Variants in ADGRV1 observed in about 807,000 individuals in gnomAD.
ADGRV1 encodes G-protein coupled receptor 98.
Under a neutral mutation model 596.2 loss-of-function variants are expected in ADGRV1, and 359 were observed. The ratio of observed to expected loss-of-function variants is 0.60; its 90% CI spans 0.55 to 0.66. The LOEUF is 0.66. Among genes scored for constraint, ADGRV1 ranks in the 30% least tolerant of loss-of-function variants. The probability of loss-of-function intolerance (pLI) is 0.00; values close to 1 mark genes in which losing one functional copy is unlikely to be tolerated. For missense variants in ADGRV1, 7,274 were observed against 7,575.6 expected (o/e 0.96, Z 1.48); for synonymous variants, 2,681 against 2,679.2 (o/e 1.00, Z -0.02).
At chr5:90,924,926 A>G (rs1380312844) in intron 83 of ADGRV1, among the ~76,000 whole-genome samples, 1 of 151,714 alleles carries the variant, frequency 6.6e-6, no homozygotes, top group East Asian at 1.9e-4. Context: ...CAGGTTTGTC[A>G]AGGATAGATA....
chr5:90,921,443 A>G (rs1211140226), intron 83 of ADGRV1, among the ~76,000 whole-genome samples: 1 of 151,818 alleles, frequency 6.6e-6, no homozygotes, highest in Non-Finnish European at 1.5e-5. Context: ...AACCTTTCAT[A>G]TTTTTCTCAG....
chr5:90,825,507 G>T, intron 76 of ADGRV1, among the ~76,000 whole-genome samples: 1 of 152,236 alleles, frequency 6.6e-6, no homozygotes, highest in African/African-American at 2.4e-5. Flanking sequence ...ATTATATTGT[G>T]CATTTTATCT....
intron 77 of ADGRV1, among the ~76,000 whole-genome samples, chr5:90,831,689 A>G (rs183720319): frequency 6.6e-6 from 1 of 152,134 alleles, no homozygotes; most frequent in East Asian, 1.9e-4. Context: ...GTACTCATTA[A>G]CCATTCTAAC....
chr5:90,632,174 C>A (rs1765590697), intron 9 of ADGRV1, among the ~76,000 whole-genome samples: 1 of 152,044 alleles, frequency 6.6e-6, no homozygotes, highest in Non-Finnish European at 1.5e-5. Context: ...GTTCTCCCTT[C>A]TGTTTGTCTC....
chr5:90,756,700 G>A (rs2149982498), intron 56 of ADGRV1, 70 bp downstream of exon 56: 2 of 1,254,932 alleles, frequency 1.6e-6, no homozygotes, highest in Non-Finnish European at 2.2e-6. Context: ...AGTGTTTTAT[G>A]TTTAGCTTTG....
chr5:90,812,650 T>C (rs2150237292), intron 74 of ADGRV1, among the ~76,000 whole-genome samples: 1 of 152,306 alleles, frequency 6.6e-6, no homozygotes, highest in Admixed American at 6.5e-5. Flanking sequence ...AATTTTGCAA[T>C]CTTTTAACTT....
chr5:90,681,475 C>A, intron 27 of ADGRV1, 21 bp downstream of exon 27: 1 of 1,593,566 alleles, frequency 6.3e-7, no homozygotes, highest in South Asian at 1.1e-5. Context: ...TTTCTTCCTT[C>A]ATTCCTAGAC....
intron 59 of ADGRV1, among the ~76,000 whole-genome samples, chr5:90,772,690 G>A (rs1757817882): frequency 6.6e-6 from 1 of 152,138 alleles, no homozygotes; most frequent in African/African-American, 2.4e-5. Context: ...TGCAAATAAG[G>A]AATCCAAGAA....
intron 33 of ADGRV1, 52 bp downstream of exon 33, chr5:90,694,753 T>C: frequency 1.4e-6 from 2 of 1,396,042 alleles, no homozygotes; most frequent in Non-Finnish European, 1.9e-6. Context: ...GTCATCATAG[T>C]CCATTTTTAT....
Position 90,708,654 on chromosome 5 carries a change from A to G in ADGRV1, c.8731-162A>G, listed in dbSNP as rs563752160. Among the ~76,000 whole-genome samples, 265 of 152,190 alleles carry G rather than the reference A, an allele frequency of 1.7e-3. 1 individual carries two copies. Among genetic ancestry groups the G allele is most frequent in the African/African-American group, 6.1e-3 (254 of 41,558 alleles). On this transcript the variant is annotated intron_variant, in intron 38 of 89. Coordinates refer to ENST00000405460, the MANE Select transcript of ADGRV1 (RefSeq NM_032119.4). ...TCCTATACAACCAAGTATAAGTTTA[A>G]TACGTTTATGTTTATTTTTTCTAAT... is the stretch of plus-strand genomic sequence containing the variant.
chr5:90,749,936 C>T (rs374455149), intron 52 of ADGRV1, among the ~76,000 whole-genome samples: 1 of 152,088 alleles, frequency 6.6e-6, no homozygotes, highest in Non-Finnish European at 1.5e-5. Context: ...AGGCCATGAG[C>T]TAAGGATGAA....
At chr5:91,089,024 T>C (rs1790151450) in intron 86 of ADGRV1, among the ~76,000 whole-genome samples, 1 of 152,124 alleles carries the variant, frequency 6.6e-6, no homozygotes, top group African/African-American at 2.4e-5. Flanking sequence ...TAGTCCAATG[T>C]TGCTAGTAAG....
chr5:91,016,375 C>T lies in ADGRV1; in HGVS notation c.18152+30853C>T, dbSNP rs188179971. Among the ~76,000 whole-genome samples, 13 of 152,056 alleles carry T rather than the reference C, an allele frequency of 8.5e-5. No homozygotes were observed. In the East Asian group the frequency reaches 2.5e-3, roughly 30 times the overall value. On this transcript the variant is annotated intron_variant, in intron 85 of 89. Coordinates refer to ENST00000405460, the MANE Select transcript of ADGRV1 (RefSeq NM_032119.4). ...CATCCTAGTTCTCAGTCCCTGCAAGCTTCACACACATGTGAACAAATGCAG... is the reference window on the plus strand; with the variant it reads ...CATCCTAGTTCTCAGTCCCTGCAAGTTTCACACACATGTGAACAAATGCAG...
intron 54 of ADGRV1, among the ~76,000 whole-genome samples, chr5:90,754,727 G>A (rs1755644432): frequency 6.6e-6 from 1 of 152,072 alleles, no homozygotes. Context: ...AACATAGGAG[G>A]GTGCTTTAGA....
intron 85 of ADGRV1, among the ~76,000 whole-genome samples, chr5:91,003,609 A>T (rs1020581260): frequency 6.6e-6 from 1 of 152,206 alleles, no homozygotes; most frequent in Non-Finnish European, 1.5e-5. Flanking sequence ...AGGGAGGGAA[A>T]TCCTGAACGT....
intron 83 of ADGRV1, among the ~76,000 whole-genome samples, chr5:90,928,923 T>C (rs937917408): frequency 9.0e-5 from 13 of 144,506 alleles, no homozygotes; most frequent in East Asian, 8.0e-4. Context: ...TGCTGGGGGG[T>C]GCCTCCCAGT....
intron 50 of ADGRV1, among the ~76,000 whole-genome samples, chr5:90,743,691 T>G (rs1754259637): frequency 6.6e-6 from 1 of 152,030 alleles, no homozygotes; most frequent in South Asian, 2.1e-4. Context: ...CAGGATGGTC[T>G]CGATCTCCCG....
intron 36 of ADGRV1, 94 bp downstream of exon 36, chr5:90,704,582 C>T: frequency 1.4e-6 from 1 of 701,206 alleles, no homozygotes; most frequent in South Asian, 2.0e-5. Flanking sequence ...AGATGCATAC[C>T]AATTTTTAAA....
chr5:90,572,746 G>A (rs773302589), intron 1 of ADGRV1, among the ~76,000 whole-genome samples: 10 of 152,112 alleles, frequency 6.6e-5, no homozygotes, highest in Admixed American at 1.3e-4. Flanking sequence ...AGTTGAGACC[G>A]TAGGATACGT....
Sources: allele counts gnomAD v4.1 joint callset (sites outside exome capture counted in the v4.1 genomes callset), GRCh38; gene constraint gnomAD v4.1.1; transcripts MANE v1.5; gene names NCBI Gene and HGNC (gene_info 2026-07-23, HGNC 2026-07-21).